Variants in SAMD12 observed in about 807,000 individuals in gnomAD.
The protein encoded by SAMD12 is sterile alpha motif domain containing 12.
SAMD12 carries 9 observed loss-of-function variants against 15.0 expected under a neutral mutation model. That is an observed-to-expected ratio of 0.60 (90% CI 0.36 to 1.05). The LOEUF is 1.05. Among genes scored for constraint, SAMD12 ranks in the 50% least tolerant of loss-of-function variants. The probability of loss-of-function intolerance (pLI) is 0.01; values close to 1 mark genes in which losing one functional copy is unlikely to be tolerated. For missense variants in SAMD12, 230 were observed against 234.2 expected (o/e 0.98, Z 0.12); for synonymous variants, 86 against 90.1 (o/e 0.96, Z 0.25).
In SAMD12 at chr8:118,498,163, C is replaced by G. The variant is rs551996116; in HGVS notation, c.193-58202G>C. Among the ~76,000 whole-genome samples, 172 of 152,258 alleles carry G rather than the reference C, an allele frequency of 1.1e-3. 1 individual carries two copies. The highest frequency in any genetic ancestry group is 1.9e-3 in the Non-Finnish European group (130 of 68,018). On this transcript the variant is annotated intron_variant, in intron 2 of 3. Transcript: ENST00000314727. ...AGCTGGCTTCTGATTCCAGCTGAGACAAATTTACCTTCACTTTTAAAGACG... is the reference window on the plus strand; with the variant it reads ...AGCTGGCTTCTGATTCCAGCTGAGAGAAATTTACCTTCACTTTTAAAGACG...
At chr8:118,193,014 C>G (rs1819451675) in exon 5 of SAMD12, 1 of 152,192 alleles carries the variant, frequency 6.6e-6, no homozygotes, top group African/African-American at 2.4e-5. Flanking sequence ...AGTCATTTTG[C>G]CGTTAGGCAG....
At chr8:118,424,410 G>A (rs534545917) in intron 3 of SAMD12, among the ~76,000 whole-genome samples, 1 of 152,056 alleles carries the variant, frequency 6.6e-6, no homozygotes, top group African/African-American at 2.4e-5. Context: ...GGGAAACTGA[G>A]GCTCAGTGAG....
the SAMD12 span, among the ~76,000 whole-genome samples, chr8:118,165,584 C>CTA: frequency 3.8e-5 from 3 of 79,216 alleles, no homozygotes; most frequent in East Asian, 3.5e-4. Flanking sequence ...TATCATAAAT[C>CTA]TATATATATA....
intron 2 of SAMD12, among the ~76,000 whole-genome samples, chr8:118,450,603 C>T: frequency 6.6e-6 from 1 of 152,292 alleles, no homozygotes; most frequent in East Asian, 1.9e-4. Flanking sequence ...TGATCATCAT[C>T]ATCATGTCAT....
chr8:118,136,398 G>A, the SAMD12 span, among the ~76,000 whole-genome samples: 15 of 152,214 alleles, frequency 9.9e-5, no homozygotes, highest in Non-Finnish European at 1.9e-4. Flanking sequence ...ACATTTTGGA[G>A]GAGATCAAGT....
chr8:118,358,400 T>C (rs1029468040), intron 4 of SAMD12, among the ~76,000 whole-genome samples: 3 of 152,142 alleles, frequency 2.0e-5, no homozygotes, highest in African/African-American at 4.8e-5. Context: ...TGGACAATGG[T>C]AACCACTCTT....
intron 4 of SAMD12, among the ~76,000 whole-genome samples, chr8:118,248,583 C>T (rs1377835982): frequency 6.6e-6 from 1 of 151,950 alleles, no homozygotes; most frequent in Non-Finnish European, 1.5e-5. Flanking sequence ...CATTAGCTCA[C>T]TGTCTGTTTT....
At chr8:118,360,644 G>A (rs1483118526) in intron 4 of SAMD12, among the ~76,000 whole-genome samples, 1 of 152,218 alleles carries the variant, frequency 6.6e-6, no homozygotes, top group Non-Finnish European at 1.5e-5. Flanking sequence ...CGAAGATGCT[G>A]TGGGTACCCA....
chr8:118,297,048 T>C (rs1814750795), intron 4 of SAMD12, among the ~76,000 whole-genome samples: 1 of 152,208 alleles, frequency 6.6e-6, no homozygotes, highest in South Asian at 2.1e-4. Flanking sequence ...CATATTGATG[T>C]GCAGACTGAT....
intron 4 of SAMD12, among the ~76,000 whole-genome samples, chr8:118,243,931 G>A (rs1812627283): frequency 6.6e-6 from 1 of 152,130 alleles, no homozygotes; most frequent in African/African-American, 2.4e-5. Context: ...GCTCCCACAA[G>A]ATGCACAACT....
At chr8:118,584,768 A>T (rs1242666945) in intron 1 of SAMD12, among the ~76,000 whole-genome samples, 1 of 152,160 alleles carries the variant, frequency 6.6e-6, no homozygotes, top group African/African-American at 2.4e-5. Context: ...TGTTTTTTTC[A>T]TGTGTAAAAA....
At chr8:118,557,108 T>C (rs112319146) in intron 2 of SAMD12, among the ~76,000 whole-genome samples, 1 of 152,014 alleles carries the variant, frequency 6.6e-6, no homozygotes, top group South Asian at 2.1e-4. Flanking sequence ...TCATCTCAAA[T>C]TGTAATGCCG....
chr8:118,292,349 G>GACACACAGACACACACACACAC (rs111807707), intron 4 of SAMD12, among the ~76,000 whole-genome samples: 5 of 137,624 alleles, frequency 3.6e-5, no homozygotes, highest in African/African-American at 1.4e-4. Flanking sequence ...CAAACACACA[G>GACACACAGACACACACACACAC]ACACACACAC....
intron 3 of SAMD12, among the ~76,000 whole-genome samples, chr8:118,437,938 T>C (rs1288289921): frequency 1.3e-5 from 2 of 152,130 alleles, no homozygotes; most frequent in Non-Finnish European, 2.9e-5. Context: ...AACACTGCTT[T>C]CAAATAAGAT....
intron 4 of SAMD12, among the ~76,000 whole-genome samples, chr8:118,362,406 T>C (rs578185534): frequency 4.4e-4 from 67 of 152,334 alleles, no homozygotes; most frequent in African/African-American, 1.6e-3. Context: ...GTTGTCTGAA[T>C]TTTAGGGACA....
chr8:118,156,163 G>A, the SAMD12 span, among the ~76,000 whole-genome samples: 1 of 152,150 alleles, frequency 6.6e-6, no homozygotes, highest in Non-Finnish European at 1.5e-5. Flanking sequence ...TCCAGCTTAA[G>A]CAGAGGTGCT....
intron 2 of SAMD12, among the ~76,000 whole-genome samples, chr8:118,488,178 G>C (rs1310164241): frequency 2.6e-5 from 4 of 151,748 alleles, no homozygotes; most frequent in African/African-American, 9.7e-5. Flanking sequence ...TTGGGACACA[G>C]TTAATAAGAC....
intron 4 of SAMD12, among the ~76,000 whole-genome samples, chr8:118,200,208 A>G (rs565190429): frequency 1.3e-5 from 2 of 152,222 alleles, no homozygotes; most frequent in South Asian, 4.2e-4. Context: ...TAATTTACCC[A>G]GTCTGGTATG....
At chr8:118,197,600 G>A in exon 5 of SAMD12, 1 of 951,772 alleles carries the variant, frequency 1.1e-6, no homozygotes, top group Non-Finnish European at 1.7e-6. Context: ...CAGTTAATCT[G>A]TCCACGATCC....
Sources: allele counts gnomAD v4.1 joint callset (sites outside exome capture counted in the v4.1 genomes callset), GRCh38; gene constraint gnomAD v4.1.1; transcripts MANE v1.5; gene names NCBI Gene and HGNC (gene_info 2026-07-23, HGNC 2026-07-21).